FCER1G: variants seen among roughly 807,000 people sequenced by gnomAD.
FCER1G encodes high affinity immunoglobulin epsilon receptor subunit gamma.
Under a neutral mutation model 17.3 loss-of-function variants are expected in FCER1G, and 7 were observed. That is an observed-to-expected ratio of 0.40 (90% confidence interval 0.23 to 0.76). The LOEUF is 0.76. Among genes scored for constraint, FCER1G ranks in the 30% least tolerant of loss-of-function variants. The pLI is 0.35. For missense variants in FCER1G, 87 were observed against 97.7 expected, an observed-to-expected ratio of 0.89 and a Z score of 0.46; for synonymous variants, 35 against 38.7, an observed-to-expected ratio of 0.90 and a Z score of 0.35.
chr1:161,219,119 A>T lies in FCER1G; in HGVS notation c.*176A>T. On this transcript the variant is annotated 3_prime_UTR_variant, in exon 5 of 5. Transcript: ENST00000289902. ...TCCTCCCTGTTAAAGACTAATGCTC[A>T]GATGCTGTTTACGGATATTTATATT... The T allele has an allele frequency of 1.6e-6, 1 of 607,854 alleles. No homozygotes were observed. The highest frequency in any genetic ancestry group is 3.0e-6 in the Non-Finnish European group (1 of 336,904). The allele number at this position is 607,854 out of a possible 1,614,324, so 37.7% of individuals were successfully genotyped here.
chr1:161,215,386 G>A lies in FCER1G; in HGVS notation c.49+16G>A, dbSNP rs1666011523. On this transcript the variant is annotated intron_variant, in intron 1 of 4. Coordinates refer to ENST00000289902, the MANE Select transcript of FCER1G (RefSeq NM_004106.2). ...GAACAAGCAGGTAAGAGGGTTTGGTGAGGGATAGCGTGAGCTGGCTCCAGG... is the reference window on the plus strand; with the variant it reads ...GAACAAGCAGGTAAGAGGGTTTGGTAAGGGATAGCGTGAGCTGGCTCCAGG... 1 of 1,611,638 alleles carries A rather than the reference G, an allele frequency of 6.2e-7. No individual in the cohort carries two copies. The highest frequency in any genetic ancestry group is 8.5e-7 in the Non-Finnish European group (1 of 1,178,006).
At position 161,219,027 on chromosome 1, in the gene FCER1G, A is replaced by T; in HGVS notation, c.*84A>T. On this transcript the variant is annotated 3_prime_UTR_variant, in exon 5 of 5. Coordinates refer to ENST00000289902, the MANE Select transcript of FCER1G (RefSeq NM_004106.2). ...TTGGCATCACATATGCCTGCATGCC[A>T]TTAACACCAGCTGGCCCTACCCCTA... The T allele has an allele frequency of 2.0e-6, 2 of 1,008,058 alleles. No homozygotes were observed. Among genetic ancestry groups the T allele is most frequent in the South Asian group, 2.6e-5 (2 of 77,314 alleles). The allele number at this position is 1,008,058 out of a possible 1,614,324, so 62.4% of individuals were successfully genotyped here.
intron 1 of FCER1G, 111 bp downstream of exon 1, chr1:161,215,481 T>C: frequency 1.1e-6 from 1 of 951,710 alleles, no homozygotes; most frequent in Non-Finnish European, 1.7e-6. Flanking sequence ...AGTGGGTAGG[T>C]GGGCATAGGG....
intron 1 of FCER1G, among the ~76,000 whole-genome samples, chr1:161,216,842 A>G (rs1032882316): frequency 6.6e-6 from 1 of 152,174 alleles, no homozygotes; most frequent in Non-Finnish European, 1.5e-5. Flanking sequence ...CCAGCAGCCT[A>G]GCTGAGAAGG....
intron 1 of FCER1G, among the ~76,000 whole-genome samples, chr1:161,217,189 A>C (rs1387345525): frequency 6.6e-6 from 1 of 152,136 alleles, no homozygotes; most frequent in African/African-American, 2.4e-5. Context: ...TGGTCCTCTG[A>C]TACGGGGTGA....
At position 161,218,861 on chromosome 1, in the gene FCER1G, C is replaced by G; in HGVS notation, c.199-20C>G. The G allele has an allele frequency of 6.2e-7, 1 of 1,612,014 alleles. No homozygotes were observed. The highest frequency in any genetic ancestry group is 1.1e-5 in the South Asian group (1 of 91,050). On this transcript the variant is annotated intron_variant, in intron 4 of 4. Coordinates refer to ENST00000289902, the MANE Select transcript of FCER1G (RefSeq NM_004106.2). ...CTGATGGACTCCAGCTCCTGATCGC[C>G]CTTTGACTCCCATCTCCAGGGCCTG...
At position 161,219,124 on chromosome 1, in the gene FCER1G, C is replaced by A; in HGVS notation, c.*181C>A. The A allele has an allele frequency of 8.3e-6, 5 of 604,270 alleles. No individual in the cohort carries two copies. The highest frequency in any genetic ancestry group is 1.5e-5 in the Non-Finnish European group (5 of 335,798). 37.4% of individuals were successfully genotyped at this position (604,270 alleles called of 1,614,324 possible). A position where few individuals can be genotyped will look rare whatever the true frequency, so the allele number is the denominator to read the frequency against. ...CCTGTTAAAGACTAATGCTCAGATG[C>A]TGTTTACGGATATTTATATTCTAGT... On this transcript the variant is annotated 3_prime_UTR_variant, in exon 5 of 5. Coordinates refer to ENST00000289902, the MANE Select transcript of FCER1G (RefSeq NM_004106.2).
chr1:161,218,113 G>C (rs931260831), intron 2 of FCER1G, 36 bp downstream of exon 2: 4 of 1,553,218 alleles, frequency 2.6e-6, no homozygotes, highest in Admixed American at 1.7e-5. Flanking sequence ...GGCTGGAAGG[G>C]GAAGTGGGAG....
rs1250352269 is a variant in FCER1G, at chr1:161,219,026, C to T, written c.*83C>T. On this transcript the variant is annotated 3_prime_UTR_variant, in exon 5 of 5. Coordinates refer to ENST00000289902, the MANE Select transcript of FCER1G (RefSeq NM_004106.2). The stretch of plus-strand genomic sequence containing the variant: ...GTTGGCATCACATATGCCTGCATGC[C>T]ATTAACACCAGCTGGCCCTACCCCT... The T allele has an allele frequency of 9.9e-7, 1 of 1,006,064 alleles. No homozygotes were observed. Among genetic ancestry groups the T allele is most frequent in the Non-Finnish European group, 1.6e-6 (1 of 629,906 alleles). 62.3% of individuals were successfully genotyped at this position (1,006,064 alleles called of 1,614,324 possible). A position where few individuals can be genotyped will look rare whatever the true frequency, so the allele number is the denominator to read the frequency against.
intron 3 of FCER1G, 35 bp from the exon 4 acceptor site, chr1:161,218,668 G>C: frequency 2.5e-6 from 4 of 1,613,344 alleles, no homozygotes; most frequent in Non-Finnish European, 3.4e-6. Context: ...GAGAAAGTGT[G>C]GGTCTTTAAT....
Position 161,219,039 on chromosome 1 carries a change from T to C in FCER1G, c.*96T>C. ...ATGCCTGCATGCCATTAACACCAGC[T>C]GGCCCTACCCCTATAATGATCCTGT... On this transcript the variant is annotated 3_prime_UTR_variant, in exon 5 of 5. Coordinates refer to ENST00000289902, the MANE Select transcript of FCER1G (RefSeq NM_004106.2). The C allele has an allele frequency of 1.1e-6, 1 of 890,600 alleles. No individual in the cohort carries two copies. The highest frequency in any genetic ancestry group is 1.9e-6 in the Non-Finnish European group (1 of 530,042). 55.2% of individuals were successfully genotyped at this position (890,600 alleles called of 1,614,324 possible). A position where few individuals can be genotyped will look rare whatever the true frequency, so the allele number is the denominator to read the frequency against.
chr1:161,219,033 A>G lies in FCER1G; in HGVS notation c.*90A>G, dbSNP rs989524777. The G allele has an allele frequency of 9.0e-5, 85 of 948,886 alleles. No homozygotes were observed. Among genetic ancestry groups the G allele is most frequent in the Non-Finnish European group, 1.4e-4 (80 of 580,230 alleles). The allele number at this position is 948,886 out of a possible 1,614,324, so 58.8% of individuals were successfully genotyped here. On this transcript the variant is annotated 3_prime_UTR_variant, in exon 5 of 5. Coordinates refer to ENST00000289902, the MANE Select transcript of FCER1G (RefSeq NM_004106.2). ...TCACATATGCCTGCATGCCATTAAC[A>G]CCAGCTGGCCCTACCCCTATAATGA... is the stretch of plus-strand genomic sequence containing the variant.
At chr1:161,218,384 G>A in intron 3 of FCER1G, 108 bp downstream of exon 3, 1 of 927,336 alleles carries the variant, frequency 1.1e-6, no homozygotes, top group Non-Finnish European at 1.8e-6. Flanking sequence ...CTCAGGTGCT[G>A]ATCTGCATAC....
chr1:161,217,729 G>A (rs555078699), intron 1 of FCER1G, among the ~76,000 whole-genome samples: 1 of 152,190 alleles, frequency 6.6e-6, no homozygotes, highest in African/African-American at 2.4e-5. Context: ...TGGGGGCTGA[G>A]GGGGAAGGCC....
chr1:161,216,094 T>A (rs766537719), intron 1 of FCER1G, among the ~76,000 whole-genome samples: 12 of 151,986 alleles, frequency 7.9e-5, no homozygotes, highest in Non-Finnish European at 1.5e-4. Flanking sequence ...AAAGCCTCAT[T>A]TCTCATGATG....
intron 1 of FCER1G, among the ~76,000 whole-genome samples, chr1:161,217,260 C>T (rs1051796929): frequency 6.6e-6 from 1 of 152,072 alleles, no homozygotes; most frequent in African/African-American, 2.4e-5. Context: ...CTTCCCCTCT[C>T]AGAGACCCAG....
chr1:161,216,533 G>A (rs1038562673), intron 1 of FCER1G, among the ~76,000 whole-genome samples: 2 of 151,956 alleles, frequency 1.3e-5, no homozygotes, highest in Non-Finnish European at 2.9e-5. Flanking sequence ...CGGGATTGCT[G>A]TTTCTATGGG....
intron 1 of FCER1G, among the ~76,000 whole-genome samples, chr1:161,216,261 A>G (rs1281150525): frequency 6.6e-6 from 1 of 151,578 alleles, no homozygotes; most frequent in African/African-American, 2.4e-5. Flanking sequence ...GCAGTGAGCC[A>G]AGATCGCACC....
chr1:161,217,557 C>T (rs1666075724), intron 1 of FCER1G, among the ~76,000 whole-genome samples: 1 of 152,112 alleles, frequency 6.6e-6, no homozygotes, highest in Non-Finnish European at 1.5e-5. Flanking sequence ...TTAGTAGAGA[C>T]ACTTCTGTGG....
Sources: gnomAD v4.1 joint callset for allele counts (sites outside exome capture counted in the v4.1 genomes callset) on GRCh38, gnomAD v4.1.1 for gene constraint, MANE v1.5 for transcripts, NCBI Gene and HGNC (gene_info 2026-07-23, HGNC 2026-07-21) for gene names.